TMEM232: variants seen among roughly 807,000 people sequenced by gnomAD.
TMEM232 encodes the protein transmembrane protein 232.
Under a neutral mutation model 78.8 loss-of-function variants are expected in TMEM232, and 80 were observed. That is an observed-to-expected ratio of 1.01 (90% CI 0.85 to 1.22). The LOEUF (loss-of-function observed/expected upper bound fraction) is 1.22, where lower values mean the gene tolerates loss of function less well. TMEM232 is among the 50% of genes most tolerant of loss of function. TMEM232 has a pLI of 0.00. For synonymous variants in TMEM232, 297 were observed against 254.3 expected, an observed-to-expected ratio of 1.17 and a Z score of -1.60; for missense variants, 881 against 742.2, an observed-to-expected ratio of 1.19 and a Z score of -2.17.
downstream of TMEM232, among the ~76,000 whole-genome samples, chr5:110,417,308 A>G (rs930015802): frequency 6.6e-6 from 1 of 152,130 alleles, no homozygotes; most frequent in Non-Finnish European, 1.5e-5. Flanking sequence ...CTCTTTCTCT[A>G]TTTTTCTCCT....
At position 110,637,989 on chromosome 5, in the gene TMEM232, T is replaced by C. The variant is rs1043921739; in HGVS notation, c.501+209A>G. Among the ~76,000 whole-genome samples, 7 of 152,116 alleles carry C rather than the reference T, an allele frequency of 4.6e-5. No individual in the cohort carries two copies. The East Asian group carries it at 5.8e-4, about 13-fold the overall frequency. ...AATGAAATGTTATTTTCTTATATAGTTTGTGACATTATATTTTCTCAAACT... is the reference window on the plus strand; with the variant it reads ...AATGAAATGTTATTTTCTTATATAGCTTGTGACATTATATTTTCTCAAACT... On this transcript the variant is annotated intron_variant, in intron 5 of 13. Coordinates refer to ENST00000455884, the MANE Select transcript of TMEM232 (RefSeq NM_001039763.4).
chr5:110,424,751 C>A lies in TMEM232; in HGVS notation c.1797+72G>T, dbSNP rs1027305760. On this transcript the variant is annotated intron_variant, in intron 13 of 13. Transcript: ENST00000455884. Reference sequence around the variant, plus strand: ...ACATATTAAGGTTTCAGTCTCAGAACTACATTTTATCATTTAAAGTGCTTT... The same window carrying A: ...ACATATTAAGGTTTCAGTCTCAGAAATACATTTTATCATTTAAAGTGCTTT... 1.1e-5 allele frequency: 13 copies of A among 1,223,830 alleles called. No individual in the cohort carries two copies. The Admixed American group carries it at 3.1e-4, about 30-fold the overall frequency. 75.8% of individuals were successfully genotyped at this position (1,223,830 alleles called of 1,614,324 possible). A position where few individuals can be genotyped will look rare whatever the true frequency, so the allele number is the denominator to read the frequency against.
downstream of TMEM232, among the ~76,000 whole-genome samples, chr5:110,416,153 T>G (rs1756200654): frequency 1.3e-5 from 2 of 152,194 alleles, no homozygotes; most frequent in South Asian, 4.1e-4. Context: ...TGCTCTAAGT[T>G]TCCAAATGCA....
intron 1 of TMEM232, among the ~76,000 whole-genome samples, chr5:110,702,055 C>G (rs1198369227): frequency 6.6e-6 from 1 of 151,964 alleles, no homozygotes; most frequent in African/African-American, 2.4e-5. Context: ...GCTGGCTACC[C>G]TAGCTGGATC....
chr5:110,462,661 C>G (rs1761660115), intron 12 of TMEM232, among the ~76,000 whole-genome samples: 1 of 152,156 alleles, frequency 6.6e-6, no homozygotes, highest in African/African-American at 2.4e-5. Flanking sequence ...CTTCCTTGCT[C>G]CTCAGCTTGC....
chr5:110,569,095 A>C (rs1220900206), intron 10 of TMEM232, among the ~76,000 whole-genome samples: 1 of 151,910 alleles, frequency 6.6e-6, no homozygotes, highest in Non-Finnish European at 1.5e-5. Context: ...TCATGTGAAA[A>C]GCATACAAAA....
chr5:110,516,903 TCTC>T (rs756879573), intron 12 of TMEM232, among the ~76,000 whole-genome samples: 2 of 152,270 alleles, frequency 1.3e-5, no homozygotes, highest in South Asian at 2.1e-4. Flanking sequence ...GAAGTTCTCA[TCTC>T]CTCCTTTCTA....
At chr5:110,688,767 C>G (rs1357753480) in intron 1 of TMEM232, among the ~76,000 whole-genome samples, 2 of 152,200 alleles carry the variant, frequency 1.3e-5, no homozygotes, top group African/African-American at 4.8e-5. Flanking sequence ...CTGGGTCACA[C>G]AAACCTGCCT....
intron 1 of TMEM232, among the ~76,000 whole-genome samples, chr5:110,696,254 G>C (rs902870971): frequency 6.6e-6 from 1 of 151,810 alleles, no homozygotes; most frequent in Non-Finnish European, 1.5e-5. Context: ...AATTCAACAA[G>C]CTTCATGCTA....
At chr5:110,629,675 A>C (rs1784874784) in intron 5 of TMEM232, among the ~76,000 whole-genome samples, 1 of 151,408 alleles carries the variant, frequency 6.6e-6, no homozygotes, top group East Asian at 1.9e-4. Flanking sequence ...TGATACTTTT[A>C]TCTGGCTGTA....
chr5:110,443,158 T>C (rs546594730), intron 12 of TMEM232, among the ~76,000 whole-genome samples: 1 of 152,258 alleles, frequency 6.6e-6, no homozygotes, highest in East Asian at 1.9e-4. Context: ...GTTTGTGTCC[T>C]TCCCTTCAGG....
rs187020304 is a variant in TMEM232 at position 110,590,043 on chromosome 5, C to A, written c.1276+15066G>T. Among the ~76,000 whole-genome samples the A allele has an allele frequency of 3.3e-5, 5 of 152,146 alleles. No individual in the cohort carries two copies. In the East Asian group the frequency reaches 9.7e-4, roughly 29 times the overall value. On this transcript the variant is annotated intron_variant, in intron 10 of 13. Transcript: ENST00000455884. The stretch of plus-strand genomic sequence containing the variant: ...TTAAGACATGTGTAGGATGGTTCTC[C>A]ATAAAAGGAATAATAAAAGTCAGAC...
At chr5:110,661,698 A>G (rs970019282) in intron 2 of TMEM232, among the ~76,000 whole-genome samples, 2 of 152,096 alleles carry the variant, frequency 1.3e-5, no homozygotes, top group African/African-American at 4.8e-5. Context: ...TGACAATTCT[A>G]TTTTTGGCTT....
Position 110,568,494 on chromosome 5 carries a change from C to T in TMEM232, c.1408G>A (p.Asp470Asn), listed in dbSNP as rs1308488567. 1.9e-6 allele frequency: 3 copies of T among 1,548,758 alleles called. No homozygotes were observed. The highest frequency in any genetic ancestry group is 2.7e-5 in the African/African-American group (2 of 72,770). The change falls in exon 11 of 14, where the codon GAT becomes AAT. Residue 470 changes from aspartate to asparagine, a missense_variant. Asp to Asn is a conservative substitution (Grantham distance 23). Transcript: ENST00000455884. ...MIWQTLQKTK[D>N]YEEDVRIQNA... ...TGGATTCGTACATCTTCCTCATAAT[C>T]CTTTGTTTTCTGCAATGTTTGCCAT...
At chr5:110,407,807 AATAT>A (rs1243703541) in intron 2 of TMEM232, among the ~76,000 whole-genome samples, 1 of 152,146 alleles carries the variant, frequency 6.6e-6, no homozygotes, top group African/African-American at 2.4e-5. Flanking sequence ...TTTTTTTAAA[AATAT>A]ATATCAAGTA....
At chr5:110,590,006 A>T (rs1779311277) in intron 10 of TMEM232, among the ~76,000 whole-genome samples, 1 of 152,176 alleles carries the variant, frequency 6.6e-6, no homozygotes. Context: ...ACTTTCCTGT[A>T]GCTTAACTCC....
intron 5 of TMEM232, among the ~76,000 whole-genome samples, chr5:110,632,140 C>T (rs1359835749): frequency 2.6e-5 from 4 of 152,062 alleles, no homozygotes; most frequent in Non-Finnish European, 4.4e-5. Flanking sequence ...ACCACTGATG[C>T]TGTTTACAGC....
At chr5:110,724,963 G>A (rs998117391) in intron 1 of TMEM232, among the ~76,000 whole-genome samples, 1 of 152,036 alleles carries the variant, frequency 6.6e-6, no homozygotes, top group African/African-American at 2.4e-5. Flanking sequence ...CGCAATGAAA[G>A]TAATAGGAAT....
rs1330767426 is a variant in TMEM232 at position 110,606,170 on chromosome 5, T to C, written c.1020A>G (p.Gln340=). ...RDFVSSIMSV[Q]NQEESCKVDD... ...TATAAATTAGCAATGTTACCTGATTTTGAACAGACATAATGCTTGAAACAA... is the reference window on the plus strand; with the variant it reads ...TATAAATTAGCAATGTTACCTGATTCTGAACAGACATAATGCTTGAAACAA... The change falls in exon 9 of 14, where the codon CAA becomes CAG. Residue 340 remains glutamine, a synonymous_variant. Transcript: ENST00000455884. The C allele has an allele frequency of 6.5e-7, 1 of 1,539,244 alleles. No homozygotes were observed. Among genetic ancestry groups the C allele is most frequent in the Non-Finnish European group, 8.8e-7 (1 of 1,139,574 alleles).
Sources: gnomAD v4.1 joint callset for allele counts (sites outside exome capture counted in the v4.1 genomes callset) on GRCh38, gnomAD v4.1.1 for gene constraint, MANE v1.5 for transcripts, NCBI Gene and HGNC (gene_info 2026-07-23, HGNC 2026-07-21) for gene names.